The following RAPGEF3 variants were observed in gnomAD, a reference collection of about 807,000 sequenced individuals.
The protein encoded by RAPGEF3 is Rap guanine nucleotide exchange factor 3.
In RAPGEF3, 103 loss-of-function variants were observed where a neutral mutation model predicts 129.8. The ratio of observed to expected loss-of-function variants is 0.79; its 90% CI spans 0.68 to 0.93. RAPGEF3 has a LOEUF of 0.93. RAPGEF3 is among the 40% of genes least tolerant of loss of function. RAPGEF3 has a pLI of 0.00. For missense variants in RAPGEF3, 1,117 were observed against 1,207.4 expected, an observed-to-expected ratio of 0.93 and a Z score of 1.11; for synonymous variants, 436 against 482.6, an observed-to-expected ratio of 0.90 and a Z score of 1.26.
At chr12:47,748,041 A>G (rs1315377241) in intron 13 of RAPGEF3, 33 bp downstream of exon 13, 2 of 1,556,192 alleles carry the variant, frequency 1.3e-6, no homozygotes, top group Admixed American at 1.9e-5. Context: ...TCCTATCCCC[A>G]TGCACACCAT....
intron 2 of RAPGEF3, among the ~76,000 whole-genome samples, chr12:47,753,077 T>A (rs961847136): frequency 3.3e-5 from 5 of 152,212 alleles, no homozygotes; most frequent in Non-Finnish European, 7.3e-5. Context: ...CTTTACAGTT[T>A]ACAAAGCACT....
chr12:47,735,586 G>A lies in RAPGEF3; in HGVS notation c.*1981C>T, dbSNP rs895274019. ...ATCCTGCCCGAGACTGGGGCAGCTG[G>A]GAGACCACCGGGTGGCTGCAGGGTG... On this transcript the variant is annotated 3_prime_UTR_variant, in exon 28 of 28. Coordinates refer to ENST00000449771, the MANE Select transcript of RAPGEF3 (RefSeq NM_001098531.4). 2 of 152,452 alleles carry A rather than the reference G, an allele frequency of 1.3e-5. No individual in the cohort carries two copies. Among genetic ancestry groups the A allele is most frequent in the Admixed American group, 1.3e-4 (2 of 15,284 alleles). The allele number at this position is 152,452 out of a possible 1,614,324, so 9.4% of individuals were successfully genotyped here.
Position 47,741,513 on chromosome 12 carries a change from G to GTCAACC in RAPGEF3, c.1914_1915insGGTTGA (p.Val638_His639insGlyTer). ...CCCTGCCTGGTCCCTACCAGCTCAT[G>GTCAACC]CACTTCCTGTGGGTTGACAACAAAG... is the stretch of plus-strand genomic sequence containing the variant. On this transcript the variant is annotated stop_gained and inframe_insertion, in exon 19 of 28. Coordinates refer to ENST00000449771, the MANE Select transcript of RAPGEF3 (RefSeq NM_001098531.4). LOFTEE classifies it high-confidence loss of function. 1 of 1,613,928 alleles carries GTCAACC rather than the reference G, an allele frequency of 6.2e-7. No individual in the cohort carries two copies. The highest frequency in any genetic ancestry group is 2.2e-5 in the East Asian group (1 of 44,888).
At position 47,748,990 on chromosome 12, in the gene RAPGEF3, A is replaced by C. The variant is rs1031445905; in HGVS notation, c.1042-59T>G. 3.3e-5 allele frequency: 45 copies of C among 1,352,688 alleles called. 1 individual carries two copies. The highest frequency in any genetic ancestry group is 1.8e-4 in the Middle Eastern group (1 of 5,562). The allele number at this position is 1,352,688 out of a possible 1,614,324, so 83.8% of individuals were successfully genotyped here. On this transcript the variant is annotated intron_variant, in intron 10 of 27. Coordinates refer to ENST00000449771, the MANE Select transcript of RAPGEF3 (RefSeq NM_001098531.4). Reference sequence around the variant, plus strand: ...TGATGTTCCAGCTTTAGACCCTCTCATCTACCTCCTTCATTCCAGCCCCTG... The same window carrying C: ...TGATGTTCCAGCTTTAGACCCTCTCCTCTACCTCCTTCATTCCAGCCCCTG...
chr12:47,748,844 G>A lies in RAPGEF3; in HGVS notation c.1129C>T (p.Arg377Ter), dbSNP rs746087227. ...ERASQGAGPS[R>*]PPTPGRNRYT... ...CGGTTCCTGCCTGGGGTTGGGGGTC[G>A]GGAAGGGCCGGCGCCCTGAGAGGCT... Residue 377 changes from arginine (R) to a stop codon, truncating the protein, a stop_gained, in exon 11 of 28, where the codon CGA (arginine) becomes TGA (stop). Coordinates refer to ENST00000449771, the MANE Select transcript of RAPGEF3 (RefSeq NM_001098531.4). LOFTEE classifies it high-confidence loss of function. 52 of 1,613,506 alleles carry A rather than the reference G, an allele frequency of 3.2e-5. No individual in the cohort carries two copies. The highest frequency in any genetic ancestry group is 6.7e-5 in the Admixed American group (4 of 60,004).
At chr12:47,750,093 GA>G in intron 7 of RAPGEF3, 103 bp from the exon 8 acceptor site, 2 of 1,378,004 alleles carry the variant, frequency 1.5e-6, no homozygotes, top group South Asian at 2.3e-5. Flanking sequence ...AGTGCTGGGG[GA>G]CAAAGATGTG....
At position 47,751,934 on chromosome 12, in the gene RAPGEF3, G is replaced by A; in HGVS notation, c.255C>T (p.Phe85=). ...PLTNSEESLD[F]SESLEQASTE... ...CTTCTACCTGCTCCAGGCTCTCGCTGAAATCCAGGGACTCCTCGCTGTTGG... is the reference window on the plus strand; with the variant it reads ...CTTCTACCTGCTCCAGGCTCTCGCTAAAATCCAGGGACTCCTCGCTGTTGG... The change falls in exon 3 of 28, where the codon TTC becomes TTT. Residue 85 remains phenylalanine (F), a synonymous_variant. Transcript: ENST00000449771. The A allele has an allele frequency of 6.2e-7, 1 of 1,614,176 alleles. No homozygotes were observed. The highest frequency in any genetic ancestry group is 8.5e-7 in the Non-Finnish European group (1 of 1,180,022).
chr12:47,740,011 T>C, intron 23 of RAPGEF3, 130 bp downstream of exon 23: 1 of 1,190,640 alleles, frequency 8.4e-7, no homozygotes, highest in Non-Finnish European at 1.2e-6. Context: ...TGGGCCGAGG[T>C]TGGGAACCCT....
At chr12:47,740,214 C>T (rs953652829) in intron 22 of RAPGEF3, 23 bp from the exon 23 acceptor site, 4 of 1,613,386 alleles carry the variant, frequency 2.5e-6, no homozygotes, top group Admixed American at 1.7e-5. Context: ...GGCAGATGAG[C>T]GGCTGCTCTG....
At position 47,749,786 on chromosome 12, in the gene RAPGEF3, C is replaced by A. The variant is rs1941636874; in HGVS notation, c.849G>T (p.Trp283Cys). ...LFSQGDKGTS[W>C]YIIWKGSVNV... is the part of the protein sequence containing the mutation. ...TGACAGATCCCTTCCAGATAATGTA[C>A]CACGAAGTGCCCTTGTCCCCCTGGC... The change falls in exon 9 of 28, where the codon TGG becomes TGT. Residue 283 changes from tryptophan (W) to cysteine (C), a missense_variant. Physicochemically the swap from Trp to Cys is radical, Grantham distance 215. This residue lies in a region of RAPGEF3 where 367 missense variants were observed against 373.4 expected (regional missense o/e 0.98). Coordinates refer to ENST00000449771, the MANE Select transcript of RAPGEF3 (RefSeq NM_001098531.4). The surrounding 1 kb of genome is among the most constrained non-coding windows in gnomAD (Gnocchi z 4.5). 1 of 1,614,200 alleles carries A rather than the reference C, an allele frequency of 6.2e-7. No individual in the cohort carries two copies. The highest frequency in any genetic ancestry group is 8.5e-7 in the Non-Finnish European group (1 of 1,180,046).
In RAPGEF3 at chr12:47,757,899, G is replaced by A; in HGVS notation, c.186C>T (p.His62=). Residue 62 remains histidine (H), a synonymous_variant, in exon 2 of 28, where the codon CAC becomes CAT. Coordinates refer to ENST00000449771, the MANE Select transcript of RAPGEF3 (RefSeq NM_001098531.4). ...GCCCCTGGATGCAGCTCGGACGCTG[G>A]TGCTCCAGCAGCAGCTGGTAGGAGC... The part of the protein sequence containing the change: ...RSCSYQLLLE[H]QRPSCIQGLR... 1.3e-6 allele frequency: 2 copies of A among 1,556,662 alleles called. No individual in the cohort carries two copies. The highest frequency in any genetic ancestry group is 1.9e-4 in the Middle Eastern group (1 of 5,204).
intron 16 of RAPGEF3, chr12:47,746,372 C>T: frequency 2.2e-6 from 1 of 451,092 alleles, no homozygotes. Context: ...TTCTTTCTCC[C>T]ACCATTCCTC....
chr12:47,751,665 A>G, intron 4 of RAPGEF3, 58 bp downstream of exon 4: 1 of 1,602,708 alleles, frequency 6.2e-7, no homozygotes, highest in Non-Finnish European at 8.5e-7. Context: ...CCTGACATAA[A>G]GTGGAACGGA....
At chr12:47,750,218 GA>G (rs1941664154) in intron 7 of RAPGEF3, 122 bp downstream of exon 7, 1 of 1,204,464 alleles carries the variant, frequency 8.3e-7, no homozygotes, top group Non-Finnish European at 1.2e-6. Flanking sequence ...AAATCAGACT[GA>G]AAATTTCCAG....
rs542992967 is a variant in RAPGEF3 at position 47,755,513 on chromosome 12, T to C, written c.219+2353A>G. The stretch of plus-strand genomic sequence containing the variant: ...CTGAGCTAGTAGAACCCACCACAGG[T>C]CACTCTGATCTTGCCCCTGCCCCCG... On this transcript the variant is annotated intron_variant, in intron 2 of 27. Transcript: ENST00000449771. Among the ~76,000 whole-genome samples, 16 of 152,220 alleles carry C rather than the reference T, an allele frequency of 1.1e-4. 1 individual carries two copies. The highest frequency in any genetic ancestry group is 8.5e-4 in the Admixed American group (13 of 15,306).
In RAPGEF3 at chr12:47,748,518, TG is replaced by T. The variant is rs1446782067; in HGVS notation, c.1178del (p.Pro393GlnfsTer5). 2 of 1,613,958 alleles carry T rather than the reference TG, an allele frequency of 1.2e-6. No homozygotes were observed. The highest frequency in any genetic ancestry group is 1.7e-6 in the Non-Finnish European group (2 of 1,179,944). ...CCAACAGAAGCTCTAGGATCTTCTCTGGGGTGCCAGACATCACTGTATACCT... is the reference window on the plus strand; with the variant it reads ...CCAACAGAAGCTCTAGGATCTTCTCTGGGTGCCAGACATCACTGTATACCT... ...RNRYTVMSGTPEKILELLLEA... is the reference protein window; with the variant it reads ...RNRYTVMSGTXEKILELLLEA... On this transcript the variant is annotated frameshift_variant, in exon 12 of 28. Transcript: ENST00000449771. LOFTEE classifies it high-confidence loss of function.
chr12:47,746,771 C>G (rs766084244), intron 16 of RAPGEF3, 89 bp downstream of exon 16: 6 of 1,390,536 alleles, frequency 4.3e-6, no homozygotes, highest in South Asian at 1.2e-5. Context: ...GAGCTTCCCA[C>G]GCCCACAGAG....
rs734706 is a variant in RAPGEF3, at chr12:47,748,368, G to C, written c.1243+86C>G. 3.9e-6 allele frequency: 5 copies of C among 1,282,610 alleles called. No homozygotes were observed. In the Admixed American group the frequency reaches 9.3e-5, roughly 24 times the overall value. 79.5% of individuals were successfully genotyped at this position (1,282,610 alleles called of 1,614,324 possible). On this transcript the variant is annotated intron_variant, in intron 12 of 27. Coordinates refer to ENST00000449771, the MANE Select transcript of RAPGEF3 (RefSeq NM_001098531.4). The stretch of plus-strand genomic sequence containing the variant: ...ACAGACCAATCCAGCATTCGGTGAC[G>C]TCAGATGCAGGGTACCTGGCTCTCT...
intron 4 of RAPGEF3, 60 bp from the exon 5 acceptor site, chr12:47,751,580 T>C (rs1941752086): frequency 6.2e-6 from 10 of 1,608,844 alleles, no homozygotes; most frequent in Non-Finnish European, 8.5e-6. Flanking sequence ...AGGGAGGAAC[T>C]ATGCATTAGA....
Sources: gnomAD v4.1 joint callset for allele counts (sites outside exome capture counted in the v4.1 genomes callset) on GRCh38, gnomAD v4.1.1 for gene constraint, gnomAD v4.1.1 regional missense constraint, Gnocchi (gnomAD v3.1) non-coding constraint, MANE v1.5 for transcripts, NCBI Gene and HGNC (gene_info 2026-07-23, HGNC 2026-07-21) for gene names.